Variants in DYNC2LI1 observed in about 807,000 individuals in gnomAD.
DYNC2LI1 encodes dynein cytoplasmic 2 light intermediate chain 1.
A neutral mutation model predicts 51.9 loss-of-function variants in DYNC2LI1; 45 were observed. The ratio of observed to expected loss-of-function variants is 0.87; its 90% CI spans 0.68 to 1.11. DYNC2LI1 has a LOEUF of 1.11. DYNC2LI1 is among the 50% of genes most tolerant of loss of function. DYNC2LI1 has a pLI of 0.00. For synonymous variants in DYNC2LI1, 130 were observed against 137.8 expected (o/e 0.94, Z 0.40); for missense variants, 490 against 417.4 (o/e 1.17, Z -1.51).
chr2:43,802,368 A>G (rs1223637309), intron 10 of DYNC2LI1, among the ~76,000 whole-genome samples: 1 of 148,580 alleles, frequency 6.7e-6, no homozygotes, highest in Non-Finnish European at 1.5e-5. Context: ...TCTAATGGGC[A>G]GTAGGGTTTT....
At chr2:43,785,504 C>T (rs1461117599) in intron 3 of DYNC2LI1, among the ~76,000 whole-genome samples, 2 of 151,768 alleles carry the variant, frequency 1.3e-5, no homozygotes, top group African/African-American at 2.4e-5. Flanking sequence ...GAGGCCGAGG[C>T]GGGCATATCA....
At chr2:43,823,046 T>C in the DYNC2LI1 span, 7 of 1,452,292 alleles carry the variant, frequency 4.8e-6, no homozygotes, top group Non-Finnish European at 6.6e-6. Flanking sequence ...GAGGACCAGC[T>C]AGGGGGGTTC....
chr2:43,828,209 G>T, the DYNC2LI1 span: 3 of 1,576,250 alleles, frequency 1.9e-6, no homozygotes, highest in Non-Finnish European at 2.6e-6. Flanking sequence ...GCAGCACACC[G>T]CCCAAGAATC....
chr2:43,825,288 A>G, the DYNC2LI1 span, among the ~76,000 whole-genome samples: 1 of 152,134 alleles, frequency 6.6e-6, no homozygotes, highest in East Asian at 1.9e-4. Flanking sequence ...GCCCAGCTTC[A>G]TATCTGGGAT....
intron 2 of DYNC2LI1, among the ~76,000 whole-genome samples, chr2:43,782,367 C>G (rs1290816233): frequency 1.3e-5 from 2 of 151,666 alleles, no homozygotes; most frequent in Non-Finnish European, 2.9e-5. Context: ...GAGTAATTAT[C>G]TTTTTTGTCA....
intron 12 of DYNC2LI1, among the ~76,000 whole-genome samples, chr2:43,807,163 C>T (rs1252464871): frequency 2.0e-5 from 3 of 151,906 alleles, no homozygotes; most frequent in African/African-American, 7.3e-5. Flanking sequence ...GTTGTGAGAC[C>T]TTAAGTTGTT....
chr2:43,791,557 G>C (rs568066145), intron 5 of DYNC2LI1, among the ~76,000 whole-genome samples: 81 of 152,284 alleles, frequency 5.3e-4, no homozygotes, highest in African/African-American at 1.8e-3. Context: ...CAGAGGGAAA[G>C]GGAAAGGGAG....
chr2:43,802,881 A>G (rs1331454318), intron 10 of DYNC2LI1, among the ~76,000 whole-genome samples: 1 of 152,168 alleles, frequency 6.6e-6, no homozygotes, highest in Non-Finnish European at 1.5e-5. Flanking sequence ...TTCATTTCAG[A>G]GAGGACATAA....
chr2:43,817,472 G>A, the DYNC2LI1 span, among the ~76,000 whole-genome samples: 1 of 151,810 alleles, frequency 6.6e-6, no homozygotes. Flanking sequence ...GTGACAGAGT[G>A]AGTGAGACTC....
At chr2:43,809,266 A>G (rs987429161) in intron 12 of DYNC2LI1, among the ~76,000 whole-genome samples, 1 of 152,152 alleles carries the variant, frequency 6.6e-6, no homozygotes, top group Non-Finnish European at 1.5e-5. Context: ...TGCTGGGACT[A>G]TAGGAATGAG....
chr2:43,782,038 C>G (rs1673312559), intron 2 of DYNC2LI1, among the ~76,000 whole-genome samples: 1 of 119,450 alleles, frequency 8.4e-6, no homozygotes, highest in African/African-American at 4.0e-5. Flanking sequence ...TGTGTGTGTA[C>G]TTCAAGGAAG....
At chr2:43,824,988 C>T in the DYNC2LI1 span, 11 of 1,613,828 alleles carry the variant, frequency 6.8e-6, no homozygotes, top group East Asian at 1.3e-4. Context: ...ATCAGCTCTC[C>T]GAAGCTCAGG....
chr2:43,779,226 A>G (rs1363729554), intron 2 of DYNC2LI1, among the ~76,000 whole-genome samples: 1 of 152,224 alleles, frequency 6.6e-6, no homozygotes, highest in African/African-American at 2.4e-5. Flanking sequence ...TGATTGTGCC[A>G]CTACACTCTA....
At chr2:43,792,937 A>G (rs1308774431) in intron 5 of DYNC2LI1, 6 of 802,320 alleles carry the variant, frequency 7.5e-6, no homozygotes, top group African/African-American at 3.6e-5. Context: ...TCTTTTGACT[A>G]TTGTGAGTAA....
intron 3 of DYNC2LI1, among the ~76,000 whole-genome samples, chr2:43,785,901 C>A (rs916259560): frequency 2.6e-5 from 4 of 151,654 alleles, no homozygotes; most frequent in African/African-American, 9.7e-5. Context: ...AGTTACATAA[C>A]AACGTGAATA....
chr2:43,822,479 C>G, the DYNC2LI1 span: 43 of 668,752 alleles, frequency 6.4e-5, 1 homozygote, highest in South Asian at 8.6e-4. Flanking sequence ...CTCCCCCAGG[C>G]CCCCCCCCAT....
the DYNC2LI1 span, among the ~76,000 whole-genome samples, chr2:43,821,282 G>T: frequency 6.6e-6 from 1 of 152,246 alleles, no homozygotes; most frequent in Non-Finnish European, 1.5e-5. Context: ...CTGGACCAGA[G>T]TCATTCTTTT....
At chr2:43,788,575 C>T (rs1673630393) in intron 4 of DYNC2LI1, among the ~76,000 whole-genome samples, 1 of 152,116 alleles carries the variant, frequency 6.6e-6, no homozygotes, top group Admixed American at 6.6e-5. Context: ...TGCCATTAGC[C>T]AACAGTCTAG....
intron 5 of DYNC2LI1, among the ~76,000 whole-genome samples, chr2:43,791,182 C>G (rs1673765350): frequency 6.6e-6 from 1 of 152,148 alleles, no homozygotes; most frequent in African/African-American, 2.4e-5. Context: ...GATCATACCA[C>G]TGTACTCCAG....
Sources: gnomAD v4.1 joint callset for allele counts (sites outside exome capture counted in the v4.1 genomes callset) on GRCh38, gnomAD v4.1.1 for gene constraint, MANE v1.5 for transcripts, NCBI Gene and HGNC (gene_info 2026-07-23, HGNC 2026-07-21) for gene names.